The following TAMM41 variants were observed in gnomAD, a reference collection of about 807,000 sequenced individuals.
The protein encoded by TAMM41 is TAM41 mitochondrial translocator assembly and maintenance homolog.
In TAMM41, 36 loss-of-function variants were observed where a neutral mutation model predicts 44.1. The ratio of observed to expected loss-of-function variants is 0.82; its 90% CI spans 0.63 to 1.08. TAMM41 has a LOEUF of 1.08. TAMM41 is among the 50% of genes least tolerant of loss of function. TAMM41 has a pLI of 0.00. For missense variants in TAMM41, 417 were observed against 404.3 expected, an observed-to-expected ratio of 1.03 and a Z score of -0.27; for synonymous variants, 164 against 153.1, an observed-to-expected ratio of 1.07 and a Z score of -0.53.
chr3:11,832,833 AT>A lies in TAMM41; in HGVS notation c.412-2970del, dbSNP rs139262123. 6.6e-3 allele frequency among the ~76,000 whole-genome samples: 998 copies of A among 152,336 alleles called. 11 individuals carry two copies. The highest frequency in any genetic ancestry group is 0.023 in the African/African-American group (948 of 41,568). ...CAGAAGCCCAGTGAAATTAGAAGCTATTTTGAGATGCTAACAATTCAAAGAT... is the reference window on the plus strand; with the variant it reads ...CAGAAGCCCAGTGAAATTAGAAGCTATTTGAGATGCTAACAATTCAAAGAT... On this transcript the variant is annotated intron_variant, in intron 3 of 7. Transcript: ENST00000455809.
the TAMM41 span, among the ~76,000 whole-genome samples, chr3:11,727,338 G>A: frequency 6.6e-6 from 1 of 152,190 alleles, no homozygotes; most frequent in Non-Finnish European, 1.5e-5. Context: ...TCCCCTGAGA[G>A]CCTGCTAGAA....
intron 2 of TAMM41, 60 bp from the exon 3 acceptor site, chr3:11,839,374 G>T: frequency 1.8e-6 from 2 of 1,093,284 alleles, no homozygotes; most frequent in Non-Finnish European, 2.7e-6. Flanking sequence ...GCTTATACAA[G>T]TATAAAATAT....
chr3:11,818,206 G>C (rs2078361740), intron 4 of TAMM41, among the ~76,000 whole-genome samples: 1 of 152,204 alleles, frequency 6.6e-6, no homozygotes, highest in African/African-American at 2.4e-5. Context: ...GAGTAGAGAG[G>C]TGGCAAGTGT....
intron 4 of TAMM41, among the ~76,000 whole-genome samples, chr3:11,824,209 TAGAC>T (rs1008434744): frequency 2.0e-5 from 3 of 150,606 alleles, no homozygotes; most frequent in African/African-American, 7.4e-5. Context: ...ATTTTTTTTT[TAGAC>T]AGAGTCTCAC....
At chr3:11,741,893 G>C in the TAMM41 span, among the ~76,000 whole-genome samples, 2 of 150,062 alleles carry the variant, frequency 1.3e-5, no homozygotes, top group African/African-American at 5.1e-5. Flanking sequence ...ATGGCTGCTA[G>C]ATGGCTAATG....
intron 1 of TAMM41, among the ~76,000 whole-genome samples, chr3:11,845,910 T>C (rs1428592463): frequency 6.6e-6 from 1 of 152,254 alleles, no homozygotes; most frequent in Non-Finnish European, 1.5e-5. Context: ...GTAAATACAC[T>C]GGTCACGCAC....
the TAMM41 span, among the ~76,000 whole-genome samples, chr3:11,776,625 T>C: frequency 6.6e-6 from 1 of 152,334 alleles, no homozygotes; most frequent in South Asian, 2.1e-4. Flanking sequence ...TCTAGGTTTC[T>C]GTAAGTGCAC....
chr3:11,846,652 A>G lies in TAMM41; in HGVS notation c.-16T>C. The G allele has an allele frequency of 1.2e-6, 2 of 1,614,122 alleles. No homozygotes were observed. The highest frequency in any genetic ancestry group is 1.7e-6 in the Non-Finnish European group (2 of 1,179,986). On this transcript the variant is annotated 5_prime_UTR_variant, in exon 1 of 8. Transcript: ENST00000455809. ...GCAGCGCCATGGGGTCGAGGCTAAC[A>G]GGGGACACTCAGCGCAGCAGGGCGA...
chr3:11,780,887 GTGAA>G, the TAMM41 span, among the ~76,000 whole-genome samples: 6 of 152,190 alleles, frequency 3.9e-5, 1 homozygote, highest in African/African-American at 1.4e-4. Context: ...GACTAAATCA[GTGAA>G]TGAATGAACT....
the TAMM41 span, among the ~76,000 whole-genome samples, chr3:11,772,541 T>C: frequency 6.6e-6 from 1 of 152,214 alleles, no homozygotes; most frequent in South Asian, 2.1e-4. Context: ...TTTTTTTTAA[T>C]GGCTGAGTAT....
chr3:11,837,582 G>A (rs2079237946), intron 3 of TAMM41, among the ~76,000 whole-genome samples: 2 of 152,066 alleles, frequency 1.3e-5, no homozygotes, highest in Admixed American at 1.3e-4. Context: ...AGACAATAGA[G>A]AAAGCATCAC....
At chr3:11,785,863 C>T (rs2077413714), downstream of TAMM41, among the ~76,000 whole-genome samples, 1 of 152,150 alleles carries the variant, frequency 6.6e-6, no homozygotes, top group Admixed American at 6.5e-5. Flanking sequence ...AAGCAATCCA[C>T]CCACCTTGGC....
intron 4 of TAMM41, among the ~76,000 whole-genome samples, chr3:11,818,679 G>A (rs1282565948): frequency 6.6e-6 from 1 of 151,980 alleles, no homozygotes; most frequent in African/African-American, 2.4e-5. Context: ...GGCGGATCAC[G>A]AGGTCAGGAG....
At chr3:11,769,750 G>A in the TAMM41 span, among the ~76,000 whole-genome samples, 2 of 152,234 alleles carry the variant, frequency 1.3e-5, no homozygotes, top group East Asian at 3.8e-4. Flanking sequence ...AGAATGGGGT[G>A]AGGGAAGTGC....
intron 2 of TAMM41, among the ~76,000 whole-genome samples, chr3:11,842,287 G>A (rs550196565): frequency 7.6e-4 from 115 of 151,830 alleles, no homozygotes; most frequent in African/African-American, 2.7e-3. Context: ...CCAGCTACTC[G>A]GGAGGCTGAG....
At chr3:11,826,560 G>A (rs2078759688) in intron 4 of TAMM41, among the ~76,000 whole-genome samples, 1 of 145,840 alleles carries the variant, frequency 6.9e-6, no homozygotes, top group Admixed American at 6.9e-5. Flanking sequence ...AAAAGATGTT[G>A]GAAGCTATTA....
the TAMM41 span, among the ~76,000 whole-genome samples, chr3:11,738,257 T>TA: frequency 2.9e-3 from 442 of 152,270 alleles, no homozygotes; most frequent in Admixed American, 4.8e-3. Context: ...GCCGTGGAGT[T>TA]AAAAAAAGAA....
intron 7 of TAMM41, among the ~76,000 whole-genome samples, chr3:11,797,181 T>G (rs750436580): frequency 3.3e-5 from 5 of 152,170 alleles, no homozygotes; most frequent in Admixed American, 6.5e-5. Flanking sequence ...AGAGCCCGAA[T>G]AGCCAAGGCA....
the TAMM41 span, among the ~76,000 whole-genome samples, chr3:11,770,370 C>T: frequency 2.0e-5 from 3 of 152,180 alleles, no homozygotes; most frequent in Non-Finnish European, 4.4e-5. Context: ...TCTCTAACAA[C>T]TCCTGCACCT....
Sources: allele counts gnomAD v4.1 joint callset (sites outside exome capture counted in the v4.1 genomes callset), GRCh38; gene constraint gnomAD v4.1.1; transcripts MANE v1.5; gene names NCBI Gene and HGNC (gene_info 2026-07-23, HGNC 2026-07-21).